The following GRXCR1 variants were observed in gnomAD, a reference collection of about 807,000 sequenced individuals.
The protein encoded by GRXCR1 is glutaredoxin and cysteine rich domain containing 1.
Under a neutral mutation model 27.3 loss-of-function variants are expected in GRXCR1, and 27 were observed. The observed-to-expected ratio is 0.99, with a 90% CI of 0.73 to 1.37. The LOEUF (loss-of-function observed/expected upper bound fraction) is 1.37, where lower values mean the gene tolerates loss of function less well. GRXCR1 is among the 40% of genes most tolerant of loss of function. The pLI, the probability that GRXCR1 is intolerant of heterozygous loss-of-function variation, is 0.00. For missense variants in GRXCR1, 379 were observed against 354.4 expected, an observed-to-expected ratio of 1.07 and a Z score of -0.56; for synonymous variants, 122 against 131.1, an observed-to-expected ratio of 0.93 and a Z score of 0.47.
chr4:42,936,434 A>G (rs1747458967), intron 1 of GRXCR1, among the ~76,000 whole-genome samples: 1 of 151,842 alleles, frequency 6.6e-6, no homozygotes, highest in African/African-American at 2.4e-5. Context: ...CTTTTAAAGA[A>G]TTTTTTATTT....
At chr4:42,909,546 A>G (rs895814172) in intron 1 of GRXCR1, among the ~76,000 whole-genome samples, 4 of 152,212 alleles carry the variant, frequency 2.6e-5, no homozygotes, top group African/African-American at 9.6e-5. Context: ...CCTTTTTCTA[A>G]AATGCAATCA....
chr4:43,018,541 G>T (rs1013306812), intron 2 of GRXCR1, among the ~76,000 whole-genome samples: 3 of 152,064 alleles, frequency 2.0e-5, no homozygotes, highest in African/African-American at 7.2e-5. Flanking sequence ...TCCTTTCTTG[G>T]CATATGCGTT....
intron 1 of GRXCR1, among the ~76,000 whole-genome samples, chr4:42,944,657 C>G (rs1452654057): frequency 6.6e-6 from 1 of 152,080 alleles, no homozygotes; most frequent in Non-Finnish European, 1.5e-5. Flanking sequence ...ACTTACGTTT[C>G]CTACCTCTAA....
Position 42,996,888 on chromosome 4 carries a change from C to T in GRXCR1, c.628-23466C>T, listed in dbSNP as rs191521253. Among the ~76,000 whole-genome samples, 109 of 152,090 alleles carry T rather than the reference C, an allele frequency of 7.2e-4. No individual in the cohort carries two copies. In the Middle Eastern group the frequency reaches 0.01, roughly 14 times the overall value. On this transcript the variant is annotated intron_variant, in intron 2 of 3. Transcript: ENST00000399770. The stretch of plus-strand genomic sequence containing the variant: ...AAGTCTTACAATACGTATGTGTACA[C>T]CTTTCTGTCTTATCCTTCACAATGG...
intron 2 of GRXCR1, among the ~76,000 whole-genome samples, chr4:42,970,007 C>T (rs1296974775): frequency 6.6e-6 from 1 of 152,102 alleles, no homozygotes; most frequent in South Asian, 2.1e-4. Flanking sequence ...TGGCCAAAAC[C>T]AAGGGACTAC....
intron 2 of GRXCR1, among the ~76,000 whole-genome samples, chr4:42,989,625 T>C (rs1711899663): frequency 6.6e-6 from 1 of 152,176 alleles, no homozygotes; most frequent in South Asian, 2.1e-4. Context: ...CTTCATTGTC[T>C]TTCACTGTCA....
chr4:43,025,555 C>G (rs1157283745), intron 3 of GRXCR1, among the ~76,000 whole-genome samples: 1 of 152,182 alleles, frequency 6.6e-6, no homozygotes, highest in African/African-American at 2.4e-5. Flanking sequence ...CAACCCAAAC[C>G]ACTATTCAGA....
At chr4:42,954,963 A>C (rs1395737335) in intron 1 of GRXCR1, among the ~76,000 whole-genome samples, 2 of 152,172 alleles carry the variant, frequency 1.3e-5, no homozygotes, top group Non-Finnish European at 2.9e-5. Context: ...ATTAAGAAGA[A>C]TCTCATAATG....
At chr4:42,901,138 A>G (rs1192892120) in intron 1 of GRXCR1, among the ~76,000 whole-genome samples, 1 of 152,186 alleles carries the variant, frequency 6.6e-6, no homozygotes, top group Non-Finnish European at 1.5e-5. Context: ...ATTGGCATCC[A>G]CATTAATCAT....
chr4:42,977,529 T>C (rs1412462566), intron 2 of GRXCR1, among the ~76,000 whole-genome samples: 1 of 152,026 alleles, frequency 6.6e-6, no homozygotes, highest in Admixed American at 6.6e-5. Context: ...GAACTCTTAA[T>C]GTGGTTTTAA....
chr4:42,954,763 C>T (rs1308863659), intron 1 of GRXCR1, among the ~76,000 whole-genome samples: 1 of 152,090 alleles, frequency 6.6e-6, no homozygotes, highest in African/African-American at 2.4e-5. Flanking sequence ...TTACCACTCA[C>T]CTTCAGAGCT....
intron 1 of GRXCR1, among the ~76,000 whole-genome samples, chr4:42,914,084 G>A (rs1746829685): frequency 6.6e-6 from 1 of 152,244 alleles, no homozygotes; most frequent in Admixed American, 6.5e-5. Flanking sequence ...ACCTCTGCTA[G>A]GGCAGTGTGG....
rs1713388941 is a variant in GRXCR1, at chr4:43,030,389, C to T, written c.722C>T (p.Ser241Phe). 1.9e-6 allele frequency: 3 copies of T among 1,613,998 alleles called. No homozygotes were observed. Among genetic ancestry groups the T allele is most frequent in the Non-Finnish European group, 2.5e-6 (3 of 1,180,004 alleles). The change falls in exon 4 of 4, where the codon TCT (serine) becomes TTT (phenylalanine). Residue 241 changes from serine (S) to phenylalanine (F), a missense_variant. Transcript: ENST00000399770. ...ERVQHPHECP[S>F]CGGFGFLPCS... ...GTACAGCATCCACATGAGTGTCCCT[C>T]TTGTGGAGGCTTTGGCTTTCTTCCA...
chr4:42,962,791 A>G, intron 1 of GRXCR1, 101 bp from the exon 2 acceptor site: 1 of 1,356,842 alleles, frequency 7.4e-7, no homozygotes, highest in Non-Finnish European at 1.1e-6. Context: ...TGTTCATTCA[A>G]TTTTATTGCA....
chr4:43,021,467 G>A (rs1365143552), intron 3 of GRXCR1, among the ~76,000 whole-genome samples: 3 of 152,030 alleles, frequency 2.0e-5, no homozygotes, highest in Non-Finnish European at 4.4e-5. Context: ...CTCCTTGATT[G>A]AACGATTCAT....
chr4:42,897,535 G>T (rs771247366), intron 1 of GRXCR1, among the ~76,000 whole-genome samples: 5 of 151,928 alleles, frequency 3.3e-5, no homozygotes, highest in Non-Finnish European at 7.4e-5. Flanking sequence ...GGATATTTCC[G>T]GTTAGTGTGA....
chr4:42,913,650 A>G (rs555442110), intron 1 of GRXCR1, among the ~76,000 whole-genome samples: 1 of 152,328 alleles, frequency 6.6e-6, no homozygotes, highest in South Asian at 2.1e-4. Flanking sequence ...TTCTGCAGAA[A>G]TTTGCATAAG....
At chr4:42,909,161 A>C (rs1746662624) in intron 1 of GRXCR1, among the ~76,000 whole-genome samples, 1 of 152,210 alleles carries the variant, frequency 6.6e-6, no homozygotes, top group African/African-American at 2.4e-5. Flanking sequence ...TCTACGTGGC[A>C]ACCCTCATTC....
intron 2 of GRXCR1, among the ~76,000 whole-genome samples, chr4:42,998,663 T>C (rs1468575726): frequency 6.6e-6 from 1 of 152,234 alleles, no homozygotes; most frequent in African/African-American, 2.4e-5. Flanking sequence ...GTTTGTGGCA[T>C]TTCCTGACAG....
Sources: gnomAD v4.1 joint callset for allele counts (sites outside exome capture counted in the v4.1 genomes callset) on GRCh38, gnomAD v4.1.1 for gene constraint, MANE v1.5 for transcripts, NCBI Gene and HGNC (gene_info 2026-07-23, HGNC 2026-07-21) for gene names.